ENOX1: variants seen among roughly 807,000 people sequenced by gnomAD.
The protein encoded by ENOX1 is ecto-NOX disulfide-thiol exchanger 1.
Under a neutral mutation model 82.5 loss-of-function variants are expected in ENOX1, and 42 were observed. That is an observed-to-expected ratio of 0.51 (90% CI 0.40 to 0.66). The LOEUF is 0.66. Ranked by LOEUF, ENOX1 falls within the 30% of genes least tolerant of loss-of-function variation. ENOX1 has a pLI of 0.00. For synonymous variants in ENOX1, 271 were observed against 282.2 expected (o/e 0.96, Z 0.40); for missense variants, 608 against 811.6 (o/e 0.75, Z 3.05).
chr13:43,476,023 G>A lies in ENOX1; in HGVS notation c.-75+7986C>T, dbSNP rs1048884942. 5.9e-5 allele frequency among the ~76,000 whole-genome samples: 9 copies of A among 152,160 alleles called. No individual in the cohort carries two copies. The South Asian group carries it at 1.7e-3, about 28-fold the overall frequency. On this transcript the variant is annotated intron_variant, in intron 3 of 16. Transcript: ENST00000690772. Reference sequence around the variant, plus strand: ...ATCTTATATTTGTTTATAGACCTCAGTTTTCAATTACAGGAGGTCTAAGCA... The same window carrying A: ...ATCTTATATTTGTTTATAGACCTCAATTTTCAATTACAGGAGGTCTAAGCA...
chr13:43,451,478 C>T (rs1311607245), intron 3 of ENOX1, among the ~76,000 whole-genome samples: 5 of 152,056 alleles, frequency 3.3e-5, no homozygotes, highest in African/African-American at 1.2e-4. Flanking sequence ...CAATAGTGGC[C>T]CATTTACAAC....
At chr13:43,442,202 G>A (rs1474748646) in intron 3 of ENOX1, among the ~76,000 whole-genome samples, 2 of 152,114 alleles carry the variant, frequency 1.3e-5, no homozygotes, top group Non-Finnish European at 2.9e-5. Flanking sequence ...CCATGAAAAT[G>A]AGAACACATT....
At chr13:43,321,528 A>G (rs1047799530) in intron 11 of ENOX1, among the ~76,000 whole-genome samples, 2 of 152,226 alleles carry the variant, frequency 1.3e-5, no homozygotes, top group African/African-American at 4.8e-5. Flanking sequence ...TGGTTTCTTA[A>G]TAAATTAGTA....
chr13:43,512,686 T>C (rs1423343005), intron 2 of ENOX1, among the ~76,000 whole-genome samples: 2 of 151,866 alleles, frequency 1.3e-5, no homozygotes, highest in African/African-American at 2.4e-5. Context: ...TTCTCACACT[T>C]TGCCTTCCAT....
intron 5 of ENOX1, among the ~76,000 whole-genome samples, chr13:43,396,554 T>C (rs143136657): frequency 0.012 from 1,796 of 152,218 alleles, 20 homozygotes; most frequent in South Asian, 0.024. Context: ...TAATTTTTTG[T>C]ATTTTTAGTA....
At chr13:43,678,492 C>T (rs1304095051) in intron 1 of ENOX1, among the ~76,000 whole-genome samples, 1 of 152,152 alleles carries the variant, frequency 6.6e-6, no homozygotes, top group Non-Finnish European at 1.5e-5. Flanking sequence ...TGGATACATA[C>T]ATGAATGAAT....
At chr13:43,710,870 C>T (rs73188074) in intron 1 of ENOX1, among the ~76,000 whole-genome samples, 3,240 of 124,224 alleles carry the variant, frequency 0.026, 129 homozygotes, top group African/African-American at 0.12. Flanking sequence ...AAAAGAAATA[C>T]CTTTTTTTTT....
At chr13:43,217,338 G>A (rs563098077) in intron 16 of ENOX1, among the ~76,000 whole-genome samples, 15 of 152,302 alleles carry the variant, frequency 9.8e-5, no homozygotes, top group Non-Finnish European at 2.1e-4. Context: ...TATTGCTGAT[G>A]CTCGGGCACC....
At chr13:43,761,193 T>C (rs1471324924) in intron 1 of ENOX1, among the ~76,000 whole-genome samples, 1 of 152,078 alleles carries the variant, frequency 6.6e-6, no homozygotes, top group African/African-American at 2.4e-5. Context: ...GATACCTAAT[T>C]TTCCCCTCAG....
intron 15 of ENOX1, among the ~76,000 whole-genome samples, chr13:43,231,243 G>A (rs768367321): frequency 5.3e-5 from 8 of 152,278 alleles, no homozygotes; most frequent in East Asian, 1.9e-4. Context: ...AATGGTCCAC[G>A]GATGTTGGAG....
At chr13:43,613,801 G>A (rs1399064816) in intron 2 of ENOX1, among the ~76,000 whole-genome samples, 2 of 151,992 alleles carry the variant, frequency 1.3e-5, no homozygotes, top group African/African-American at 2.4e-5. Flanking sequence ...CATGGTGGTA[G>A]GTGCCTGTAG....
chr13:43,324,667 G>T (rs927118042), intron 10 of ENOX1, among the ~76,000 whole-genome samples: 1 of 152,130 alleles, frequency 6.6e-6, no homozygotes, highest in Admixed American at 6.5e-5. Context: ...AAGACCCTTC[G>T]CAGGAGCACC....
chr13:43,430,427 C>T (rs1319541230), intron 3 of ENOX1, among the ~76,000 whole-genome samples: 1 of 152,226 alleles, frequency 6.6e-6, no homozygotes, highest in African/African-American at 2.4e-5. Context: ...TATTTGGTCA[C>T]AAGGTCTTTC....
At chr13:43,446,982 A>T (rs770240545) in intron 3 of ENOX1, among the ~76,000 whole-genome samples, 1 of 152,216 alleles carries the variant, frequency 6.6e-6, no homozygotes, top group Non-Finnish European at 1.5e-5. Context: ...GCTCAAACAG[A>T]ATACTGGCAA....
intron 3 of ENOX1, among the ~76,000 whole-genome samples, chr13:43,469,087 C>T (rs2057873434): frequency 6.6e-6 from 1 of 152,098 alleles, no homozygotes; most frequent in African/African-American, 2.4e-5. Flanking sequence ...TCACTAATAA[C>T]TGTAATGTTA....
At chr13:43,397,404 A>C (rs142185666) in intron 5 of ENOX1, among the ~76,000 whole-genome samples, 1 of 152,332 alleles carries the variant, frequency 6.6e-6, no homozygotes, top group Non-Finnish European at 1.5e-5. Flanking sequence ...CACTCTGTGC[A>C]TAGGGTCCCC....
Position 43,573,409 on chromosome 13 carries a change from T to C in ENOX1, c.-218-89257A>G, listed in dbSNP as rs146601367. Among the ~76,000 whole-genome samples, 99 of 152,304 alleles carry C rather than the reference T, an allele frequency of 6.5e-4. 1 individual carries two copies. The East Asian group carries it at 0.014, about 21-fold the overall frequency. ...TTAAGAGAGTTATTTGTCTGTACCA[T>C]GGAAATAGTGTTTTATGAATTCTCT... On this transcript the variant is annotated intron_variant, in intron 2 of 16. Coordinates refer to ENST00000690772, the MANE Select transcript of ENOX1 (RefSeq NM_001347969.2).
At chr13:43,719,302 TACACACACACACACACACACAC>T (rs3024232) in intron 1 of ENOX1, among the ~76,000 whole-genome samples, 6 of 126,682 alleles carry the variant, frequency 4.7e-5, no homozygotes, top group African/African-American at 1.2e-4. Flanking sequence ...TTCATTCAAA[TACACACACACACACACACACAC>T]ACACACACAC....
chr13:43,384,613 T>G (rs974760077), intron 5 of ENOX1, among the ~76,000 whole-genome samples: 3 of 152,190 alleles, frequency 2.0e-5, no homozygotes, highest in Non-Finnish European at 2.9e-5. Context: ...TTAGCCAGGT[T>G]TTTCCGCTAT....
Sources: gnomAD v4.1 joint callset for allele counts (sites outside exome capture counted in the v4.1 genomes callset) on GRCh38, gnomAD v4.1.1 for gene constraint, MANE v1.5 for transcripts, NCBI Gene and HGNC (gene_info 2026-07-23, HGNC 2026-07-21) for gene names.